The following VPS18 variants were observed in gnomAD, a reference collection of about 807,000 sequenced individuals.
VPS18 encodes VPS18 core subunit of CORVET and HOPS complexes.
VPS18 carries 25 observed loss-of-function variants against 82.0 expected under a neutral mutation model. The observed-to-expected ratio is 0.30, with a 90% CI of 0.22 to 0.43. The LOEUF is 0.43. VPS18 is among the 20% of genes least tolerant of loss of function. VPS18 has a pLI of 1.00. For synonymous variants in VPS18, 523 were observed against 543.0 expected (o/e 0.96, Z 0.51); for missense variants, 1,168 against 1,311.1 (o/e 0.89, Z 1.69).
Position 40,894,798 on chromosome 15 carries a change from C to A in VPS18, c.30C>A (p.Asn10Lys), listed in dbSNP as rs1255105473. MASILDEYE[N>K]SLSRSAVLQP... ...CGTCCATCCTGGATGAGTACGAGAA[C>A]TCGCTGTCCCGCTCGGCCGTCTTGC... The change falls in exon 1 of 5, where the codon AAC becomes AAA. Residue 10 changes from asparagine to lysine, a missense_variant. Coordinates refer to ENST00000220509, the MANE Select transcript of VPS18 (RefSeq NM_020857.3). 2 of 1,554,054 alleles carry A rather than the reference C, an allele frequency of 1.3e-6. No individual in the cohort carries two copies. The highest frequency in any genetic ancestry group is 4.9e-5 in the East Asian group (2 of 41,206).
At position 40,899,941 on chromosome 15, in the gene VPS18, A is replaced by G. The variant is rs1286209525; in HGVS notation, c.1123A>G (p.Thr375Ala). Residue 375 changes from threonine (T) to alanine (A), a missense_variant, in exon 4 of 5, where the codon ACA becomes GCA. Thr to Ala is a moderately conservative substitution (Grantham distance 58). Coordinates refer to ENST00000220509, the MANE Select transcript of VPS18 (RefSeq NM_020857.3). This position sits in a 1 kb window ranked among gnomAD's most constrained non-coding sequence, Gnocchi z 4.4. ...PLKHMVKDSS[T>A]GQLWAYTERA... ...GAAGCACATGGTGAAGGACTCCTCC[A>G]CAGGCCAGCTGTGGGCCTACACTGA... 2 of 1,613,636 alleles carry G rather than the reference A, an allele frequency of 1.2e-6. No individual in the cohort carries two copies. The highest frequency in any genetic ancestry group is 8.5e-7 in the Non-Finnish European group (1 of 1,180,032).
At chr15:40,901,735 GTC>G (rs1249078843) in intron 4 of VPS18, among the ~76,000 whole-genome samples, 2 of 151,988 alleles carry the variant, frequency 1.3e-5, no homozygotes, top group African/African-American at 4.8e-5. Flanking sequence ...TCGAAACCCT[GTC>G]TCTACTGAAA....
In VPS18 at chr15:40,903,545, A is replaced by G; in HGVS notation, c.*204A>G. The stretch of plus-strand genomic sequence containing the variant: ...TTTTCATGCTGTTCTTCAGAGCTGC[A>G]GTTATGCCAGACCATCAGCCTGCCT... On this transcript the variant is annotated 3_prime_UTR_variant, in exon 5 of 5. Coordinates refer to ENST00000220509, the MANE Select transcript of VPS18 (RefSeq NM_020857.3). 1 of 666,290 alleles carries G rather than the reference A, an allele frequency of 1.5e-6. No individual in the cohort carries two copies. The highest frequency in any genetic ancestry group is 2.3e-6 in the Non-Finnish European group (1 of 444,090). 41.3% of individuals were successfully genotyped at this position (666,290 alleles called of 1,614,324 possible).
Position 40,902,873 on chromosome 15 carries a change from G to T in VPS18, c.2454G>T (p.Glu818Asp). The change falls in exon 5 of 5, where the codon GAG becomes GAT. Residue 818 changes from glutamate (E) to aspartate (D), a missense_variant. This residue lies in a region of VPS18 where 296 missense variants were observed against 354.0 expected (regional missense o/e 0.84). Transcript: ENST00000220509. The surrounding 1 kb of genome is among the most constrained non-coding windows in gnomAD (Gnocchi z 4.2). The part of the protein sequence containing the change: ...SLKAYNHHIQ[E>D]LQREMEEATA... ...AGGCCTACAACCACCACATCCAGGA[G>T]CTGCAGCGGGAGATGGAAGAGGCTA... 2 of 1,614,262 alleles carry T rather than the reference G, an allele frequency of 1.2e-6. No homozygotes were observed. Among genetic ancestry groups the T allele is most frequent in the South Asian group, 1.1e-5 (1 of 91,092 alleles).
Position 40,900,190 on chromosome 15 carries a change from C to T in VPS18, c.1372C>T (p.Leu458Phe). 6 of 1,613,892 alleles carry T rather than the reference C, an allele frequency of 3.7e-6. No homozygotes were observed. The highest frequency in any genetic ancestry group is 5.1e-6 in the Non-Finnish European group (6 of 1,180,028). Residue 458 changes from leucine (L) to phenylalanine (F), a missense_variant, in exon 4 of 5, where the codon CTC becomes TTC. Physicochemically the swap from Leu to Phe is conservative, Grantham distance 22. Around this residue, in one of 3 missense-constraint regions of VPS18, gnomAD observed 868 missense variants for 939.8 expected, o/e 0.92. Coordinates refer to ENST00000220509, the MANE Select transcript of VPS18 (RefSeq NM_020857.3). This position sits in a 1 kb window ranked among gnomAD's most constrained non-coding sequence, Gnocchi z 5.4. ...LTQSYFEEIALKFLEARQEEA... is the reference protein window; with the variant it reads ...LTQSYFEEIAFKFLEARQEEA... ...CCAGAGCTACTTTGAGGAGATTGCC[C>T]TCAAGTTCCTGGAGGCCCGACAGGA... is the stretch of plus-strand genomic sequence containing the variant.
intron 2 of VPS18, among the ~76,000 whole-genome samples, chr15:40,897,531 T>G (rs1892250344): frequency 6.6e-6 from 1 of 152,214 alleles, no homozygotes; most frequent in Non-Finnish European, 1.5e-5. Flanking sequence ...ATTTTCTCAG[T>G]TGGGAATAAC....
rs200336682 is a variant in VPS18, at chr15:40,899,767, G to A, written c.949G>A (p.Gly317Arg). 2.2e-5 allele frequency: 35 copies of A among 1,613,114 alleles called. No individual in the cohort carries two copies. In the South Asian group the frequency reaches 3.3e-4, roughly 15 times the overall value. ...GGAGCGAGTCTGGGAGTACCCAGAG[G>A]GGGTAGGGCCTGGGGCCAGCCCACC... ...SEERVWEYPE[G>R]VGPGASPPLA... Residue 317 changes from glycine to arginine, a missense_variant, in exon 4 of 5, where the codon GGG becomes AGG. By Grantham distance (125) the Gly-to-Arg change is moderately radical (BLOSUM62 -2). Transcript: ENST00000220509. The surrounding 1 kb of genome is among the most constrained non-coding windows in gnomAD (Gnocchi z 4.4).
At position 40,900,042 on chromosome 15, in the gene VPS18, C is replaced by T. The variant is rs1892318636; in HGVS notation, c.1224C>T (p.Phe408=). 1.9e-6 allele frequency: 3 copies of T among 1,613,822 alleles called. No individual in the cohort carries two copies. Among genetic ancestry groups the T allele is most frequent in the East Asian group, 2.2e-5 (1 of 44,898 alleles). ...GCACCTATCTGGACATGAACCGCTTCGATCTGGCCAAAGAGTATTGTCGAG... is the reference window on the plus strand; with the variant it reads ...GCACCTATCTGGACATGAACCGCTTTGATCTGGCCAAAGAGTATTGTCGAG... ...VWRTYLDMNR[F]DLAKEYCRER... Residue 408 remains phenylalanine (F), a synonymous_variant, in exon 4 of 5, where the codon TTC becomes TTT. Coordinates refer to ENST00000220509, the MANE Select transcript of VPS18 (RefSeq NM_020857.3). This position sits in a 1 kb window ranked among gnomAD's most constrained non-coding sequence, Gnocchi z 5.4.
At chr15:40,898,854 T>A in intron 2 of VPS18, 53 bp from the exon 3 acceptor site, 1 of 1,532,694 alleles carries the variant, frequency 6.5e-7, no homozygotes, top group South Asian at 1.2e-5. Context: ...AAGATCATGA[T>A]CCAAAAAAGG....
In VPS18 at chr15:40,895,940, T is replaced by A. The variant is rs1249651375; in HGVS notation, c.94T>A (p.Tyr32Asn). Residue 32 changes from tyrosine (Y) to asparagine (N), a missense_variant and splice_region_variant, in exon 2 of 5, where the codon TAT becomes AAT. This residue lies in a region of VPS18 where 868 missense variants were observed against 939.8 expected (regional missense o/e 0.92). Coordinates refer to ENST00000220509, the MANE Select transcript of VPS18 (RefSeq NM_020857.3). ...TTCTTGTCATTCCTTACCTGTAGGG[T>A]ATGTGAATGCCCAGCTGGAGAAGGA... ...CPSVGIPHSGYVNAQLEKEVP... is the reference protein window; with the variant it reads ...CPSVGIPHSGNVNAQLEKEVP... The A allele has an allele frequency of 8.1e-6, 13 of 1,614,018 alleles. No individual in the cohort carries two copies. Among genetic ancestry groups the A allele is most frequent in the Admixed American group, 1.7e-5 (1 of 60,000 alleles).
chr15:40,899,598 G>A lies in VPS18; in HGVS notation c.780G>A (p.Glu260=), dbSNP rs759476317. 8.1e-6 allele frequency: 13 copies of A among 1,609,576 alleles called. No homozygotes were observed. Among genetic ancestry groups the A allele is most frequent in the Non-Finnish European group, 1.1e-5 (13 of 1,180,022 alleles). Residue 260 remains glutamate, a synonymous_variant, in exon 4 of 5, where the codon GAG becomes GAA. Coordinates refer to ENST00000220509, the MANE Select transcript of VPS18 (RefSeq NM_020857.3). This position sits in a 1 kb window ranked among gnomAD's most constrained non-coding sequence, Gnocchi z 4.4. ...AYTDHPPPFR[E]FPSNLGYSEL... ...CGGACCACCCACCCCCATTCCGTGAGTTTCCCAGCAACCTGGGCTACAGTG... is the reference window on the plus strand; with the variant it reads ...CGGACCACCCACCCCCATTCCGTGAATTTCCCAGCAACCTGGGCTACAGTG...
At position 40,898,909 on chromosome 15, in the gene VPS18, T is replaced by C. The variant is rs1367892021; in HGVS notation, c.236T>C (p.Ile79Thr). ...GATGGTGACGCTTGTCCCCACAGCA[T>C]TGACTTGGGCAAGGCAAATGAGCCC... ...MSLGKDTLLR[I>T]DLGKANEPNH... Residue 79 changes from isoleucine (I) to threonine (T), a missense_variant and splice_region_variant, in exon 3 of 5, where the codon ATT (isoleucine) becomes ACT (threonine). Ile to Thr is a moderately conservative substitution (Grantham distance 89, BLOSUM62 -1). This residue lies in a region of VPS18 where 868 missense variants were observed against 939.8 expected (regional missense o/e 0.92). Coordinates refer to ENST00000220509, the MANE Select transcript of VPS18 (RefSeq NM_020857.3). 5 of 1,613,916 alleles carry C rather than the reference T, an allele frequency of 3.1e-6. No homozygotes were observed. Among genetic ancestry groups the C allele is most frequent in the African/African-American group, 1.3e-5 (1 of 74,932 alleles).
intron 1 of VPS18, among the ~76,000 whole-genome samples, chr15:40,895,433 G>T (rs952242386): frequency 6.6e-6 from 1 of 152,176 alleles, no homozygotes; most frequent in African/African-American, 2.4e-5. Flanking sequence ...AACTGTTCCA[G>T]TGAGTGGAGT....
chr15:40,894,712 G>T lies in VPS18; in HGVS notation c.-57G>T. 5 of 1,490,012 alleles carry T rather than the reference G, an allele frequency of 3.4e-6. No individual in the cohort carries two copies. Among genetic ancestry groups the T allele is most frequent in the Admixed American group, 2.2e-5 (1 of 44,692 alleles). The allele number at this position is 1,490,012 out of a possible 1,614,324, so 92.3% of individuals were successfully genotyped here. A position where few individuals can be genotyped will look rare whatever the true frequency, so the allele number is the denominator to read the frequency against. On this transcript the variant is annotated 5_prime_UTR_variant, in exon 1 of 5. Coordinates refer to ENST00000220509, the MANE Select transcript of VPS18 (RefSeq NM_020857.3). ...ATTCTGGGGCGACGGGGACCCCGGG[G>T]GGGTAGCCCTTTTGTAATCCCCAGG...
chr15:40,899,742 G>C lies in VPS18; in HGVS notation c.924G>C (p.Glu308Asp), dbSNP rs1003749527. The C allele has an allele frequency of 6.2e-7, 1 of 1,613,698 alleles. No homozygotes were observed. The highest frequency in any genetic ancestry group is 8.5e-7 in the Non-Finnish European group (1 of 1,180,060). Residue 308 changes from glutamate to aspartate, a missense_variant, in exon 4 of 5, where the codon GAG becomes GAC. Coordinates refer to ENST00000220509, the MANE Select transcript of VPS18 (RefSeq NM_020857.3). The surrounding 1 kb of genome is among the most constrained non-coding windows in gnomAD (Gnocchi z 4.4). The part of the protein sequence containing the change: ...DCGRPDSLLS[E>D]ERVWEYPEGV... ...GGCGCCCTGACTCTCTGCTGAGCGAGGAGCGAGTCTGGGAGTACCCAGAGG... is the reference window on the plus strand; with the variant it reads ...GGCGCCCTGACTCTCTGCTGAGCGACGAGCGAGTCTGGGAGTACCCAGAGG...
chr15:40,902,116 C>CTTTTTTTT lies in VPS18; in HGVS notation c.2197-493_2197-486dup, dbSNP rs35029205. Among the ~76,000 whole-genome samples the CTTTTTTTT allele has an allele frequency of 8.0e-6, 1 of 124,252 alleles. No homozygotes were observed. The highest frequency in any genetic ancestry group is 3.6e-5 in the African/African-American group (1 of 27,896). The allele number at this position is 124,252 out of a possible 152,430, so 81.5% of individuals were successfully genotyped here. Reference sequence around the variant, plus strand: ...GATTTCTTTCTTTCTTTCTTTCTTTCTTTTTTTTTTTTTTGAGACGGAGTC... The same window carrying CTTTTTTTT: ...GATTTCTTTCTTTCTTTCTTTCTTTCTTTTTTTTTTTTTTTTTTTTTTGAGACGGAGTC... On this transcript the variant is annotated intron_variant, in intron 4 of 4. Transcript: ENST00000220509. This position sits in a 1 kb window ranked among gnomAD's most constrained non-coding sequence, Gnocchi z 4.2.
At position 40,903,524 on chromosome 15, in the gene VPS18, C is replaced by T; in HGVS notation, c.*183C>T. Reference sequence around the variant, plus strand: ...GTGTGAGTGTATTCTGCCAGCTTTTCATGCTGTTCTTCAGAGCTGCAGTTA... The same window carrying T: ...GTGTGAGTGTATTCTGCCAGCTTTTTATGCTGTTCTTCAGAGCTGCAGTTA... On this transcript the variant is annotated 3_prime_UTR_variant, in exon 5 of 5. Transcript: ENST00000220509. 1 of 793,012 alleles carries T rather than the reference C, an allele frequency of 1.3e-6. No individual in the cohort carries two copies. Among genetic ancestry groups the T allele is most frequent in the African/African-American group, 1.7e-5 (1 of 57,274 alleles). 49.1% of individuals were successfully genotyped at this position (793,012 alleles called of 1,614,324 possible). A position where few individuals can be genotyped will look rare whatever the true frequency, so the allele number is the denominator to read the frequency against.
In VPS18 at chr15:40,900,238, C is replaced by A. The variant is rs1892325491; in HGVS notation, c.1420C>A (p.Gln474Lys). 1 of 1,613,716 alleles carries A rather than the reference C, an allele frequency of 6.2e-7. No individual in the cohort carries two copies. Among genetic ancestry groups the A allele is most frequent in the Admixed American group, 1.7e-5 (1 of 60,006 alleles). Residue 474 changes from glutamine (Q) to lysine (K), a missense_variant, in exon 4 of 5, where the codon CAG becomes AAG. Gln to Lys is a moderately conservative substitution (Grantham distance 53, BLOSUM62 1). This residue lies in a region of VPS18 where 868 missense variants were observed against 939.8 expected (regional missense o/e 0.92). Coordinates refer to ENST00000220509, the MANE Select transcript of VPS18 (RefSeq NM_020857.3). The surrounding 1 kb of genome is among the most constrained non-coding windows in gnomAD (Gnocchi z 5.4). ...GGAGGAGGCTCTGGCTGAGTTCCTG[C>A]AGCGAAAACTGGCCAGTTTGAAGCC... ...RQEEALAEFLQRKLASLKPAE... is the reference protein window; with the variant it reads ...RQEEALAEFLKRKLASLKPAE...
Position 40,899,276 on chromosome 15 carries a change from CGGAGA to C in VPS18, c.460_464del (p.Glu154GlnfsTer16). 6.2e-7 allele frequency: 1 copy of C among 1,614,210 alleles called. No individual in the cohort carries two copies. Among genetic ancestry groups the C allele is most frequent in the Non-Finnish European group, 8.5e-7 (1 of 1,180,044 alleles). ...GTGGGTTGGAACAAGGCACTGGGCA[CGGAGA>C]GCAGCACAGGCCCCATCCTGGTCGG... On this transcript the variant is annotated frameshift_variant, in exon 4 of 5. Coordinates refer to ENST00000220509, the MANE Select transcript of VPS18 (RefSeq NM_020857.3). LOFTEE classifies it high-confidence loss of function. This position sits in a 1 kb window ranked among gnomAD's most constrained non-coding sequence, Gnocchi z 4.4.
Sources: gnomAD v4.1 joint callset for allele counts (sites outside exome capture counted in the v4.1 genomes callset) on GRCh38, gnomAD v4.1.1 for gene constraint, gnomAD v4.1.1 regional missense constraint, Gnocchi (gnomAD v3.1) non-coding constraint, MANE v1.5 for transcripts, NCBI Gene and HGNC (gene_info 2026-07-23, HGNC 2026-07-21) for gene names.